Variants in PDE4D observed in about 807,000 individuals in gnomAD.
PDE4D encodes the protein phosphodiesterase 4D.
PDE4D carries 24 observed loss-of-function variants against 87.4 expected under a neutral mutation model. That is an observed-to-expected ratio of 0.27 (90% CI 0.20 to 0.39). The LOEUF (loss-of-function observed/expected upper bound fraction) is 0.39. Ranked by LOEUF, PDE4D falls within the 10% of genes least tolerant of loss-of-function variation. The pLI, the probability that PDE4D is intolerant of heterozygous loss-of-function variation, is 1.00. For missense variants in PDE4D, 714 were observed against 1,041.0 expected, an observed-to-expected ratio of 0.69 and a Z score of 4.32; for synonymous variants, 384 against 383.2, an observed-to-expected ratio of 1.00 and a Z score of -0.02.
chr5:59,670,104 A>C (rs1049401047), intron 1 of PDE4D, among the ~76,000 whole-genome samples: 2 of 152,188 alleles, frequency 1.3e-5, no homozygotes, highest in Non-Finnish European at 2.9e-5. Flanking sequence ...GTAACATAGC[A>C]TTATGGTAGA....
At chr5:59,173,666 C>T (rs716908) in intron 5 of PDE4D, among the ~76,000 whole-genome samples, 113,232 of 152,144 alleles carry the variant, frequency 0.74, 42,585 homozygotes, top group African/African-American at 0.83. Context: ...ACACATATTT[C>T]TGGCAATTAT....
At chr5:59,065,712 T>C (rs1021882048) in intron 5 of PDE4D, among the ~76,000 whole-genome samples, 1 of 152,160 alleles carries the variant, frequency 6.6e-6, no homozygotes, top group African/African-American at 2.4e-5. Context: ...AGGAGTACAA[T>C]GAAAACTTAG....
intron 1 of PDE4D, among the ~76,000 whole-genome samples, chr5:59,521,570 AT>A (rs1212289344): frequency 1.3e-5 from 2 of 152,160 alleles, no homozygotes; most frequent in Non-Finnish European, 2.9e-5. Flanking sequence ...CTCCCAGCCA[AT>A]TACTGGCCTC....
At chr5:59,849,452 G>T (rs150217830) in intron 1 of PDE4D, among the ~76,000 whole-genome samples, 22 of 152,068 alleles carry the variant, frequency 1.4e-4, no homozygotes, top group African/African-American at 5.3e-4. Context: ...GTAGAAATGT[G>T]CTCTGTGTTC....
chr5:60,054,048 A>T (rs765877211), intron 2 of PDE4D, among the ~76,000 whole-genome samples: 51 of 152,178 alleles, frequency 3.4e-4, no homozygotes, highest in Non-Finnish European at 6.3e-4. Flanking sequence ...GATGCTGGAG[A>T]GGACGTGGAG....
chr5:60,265,667 G>GA (rs1223866974), intron 1 of PDE4D, among the ~76,000 whole-genome samples: 5 of 152,000 alleles, frequency 3.3e-5, no homozygotes, highest in Admixed American at 6.5e-5. Flanking sequence ...CCCTAGACTA[G>GA]AAAAAACCCT....
chr5:60,498,312 A>G (rs116157742), intron 1 of PDE4D, among the ~76,000 whole-genome samples: 342 of 152,248 alleles, frequency 2.2e-3, no homozygotes, highest in Non-Finnish European at 4.0e-3. Flanking sequence ...CTTGTCTAAA[A>G]TCAACCAGCA....
chr5:59,336,341 C>G (rs1030796681), intron 1 of PDE4D, among the ~76,000 whole-genome samples: 3 of 152,224 alleles, frequency 2.0e-5, no homozygotes, highest in South Asian at 4.1e-4. Flanking sequence ...TTTCCTGTCC[C>G]CATCCATCAG....
intron 1 of PDE4D, among the ~76,000 whole-genome samples, chr5:59,544,716 A>T (rs564819708): frequency 6.6e-6 from 1 of 152,306 alleles, no homozygotes; most frequent in East Asian, 1.9e-4. Flanking sequence ...GAAGGGGAGA[A>T]GCGAGCTGTT....
chr5:59,162,585 T>C (rs1781264392), intron 5 of PDE4D, among the ~76,000 whole-genome samples: 1 of 151,082 alleles, frequency 6.6e-6, no homozygotes, highest in Admixed American at 6.6e-5. Context: ...ACACCTGTAA[T>C]CCCAGCACTT....
chr5:60,105,505 C>T (rs1241602856), intron 2 of PDE4D, among the ~76,000 whole-genome samples: 1 of 152,062 alleles, frequency 6.6e-6, no homozygotes, highest in African/African-American at 2.4e-5. Context: ...ACAGGAAACA[C>T]AGAGAACGCC....
chr5:59,096,132 G>C lies in PDE4D; in HGVS notation c.809-57161C>G, dbSNP rs191994464. On this transcript the variant is annotated intron_variant, in intron 5 of 14. Transcript: ENST00000340635. ...CTACAGAGGAAATAGCTGAAAAGGA[G>C]GAGCTGGGGAAGATGAGGATGAGGA... is the stretch of plus-strand genomic sequence containing the variant. Among the ~76,000 whole-genome samples, 43 of 152,284 alleles carry C rather than the reference G, an allele frequency of 2.8e-4. 1 individual carries two copies. In the East Asian group the frequency reaches 6.9e-3, roughly 25 times the overall value.
At chr5:60,163,693 C>G (rs1366474884) in intron 2 of PDE4D, among the ~76,000 whole-genome samples, 1 of 152,162 alleles carries the variant, frequency 6.6e-6, no homozygotes, top group African/African-American at 2.4e-5. Context: ...GTGCCCTTAA[C>G]TAGCACTGCC....
intron 1 of PDE4D, among the ~76,000 whole-genome samples, chr5:60,299,164 T>G (rs894354695): frequency 6.6e-6 from 1 of 152,218 alleles, no homozygotes; most frequent in Admixed American, 6.5e-5. Flanking sequence ...CAAAATAGCT[T>G]CTGGCTAAAA....
intron 5 of PDE4D, among the ~76,000 whole-genome samples, chr5:59,099,083 A>G (rs1770282537): frequency 6.6e-6 from 1 of 152,240 alleles, no homozygotes; most frequent in South Asian, 2.1e-4. Context: ...CATCTTTATT[A>G]TATTGGTTAC....
intron 2 of PDE4D, among the ~76,000 whole-genome samples, chr5:60,163,849 A>G (rs1300876668): frequency 6.6e-6 from 1 of 152,194 alleles, no homozygotes; most frequent in African/African-American, 2.4e-5. Context: ...AATACAAATG[A>G]AAAGAAGAAG....
At chr5:59,095,321 C>A in intron 5 of PDE4D, among the ~76,000 whole-genome samples, 1 of 149,460 alleles carries the variant, frequency 6.7e-6, no homozygotes, top group African/African-American at 2.5e-5. Flanking sequence ...CTTATTCTTA[C>A]CTAAAGGGAA....
chr5:59,822,324 A>G (rs929726407), intron 1 of PDE4D, among the ~76,000 whole-genome samples: 1 of 152,192 alleles, frequency 6.6e-6, no homozygotes, highest in Admixed American at 6.5e-5. Flanking sequence ...GGATGAGTAG[A>G]ACTATTGTAA....
At chr5:59,334,300 C>T (rs1384657045) in intron 1 of PDE4D, among the ~76,000 whole-genome samples, 2 of 142,010 alleles carry the variant, frequency 1.4e-5, no homozygotes, top group Non-Finnish European at 1.5e-5. Flanking sequence ...GCTCTGTCAC[C>T]CAGGCTGGAG....
Sources: allele counts gnomAD v4.1 joint callset (sites outside exome capture counted in the v4.1 genomes callset), GRCh38; gene constraint gnomAD v4.1.1; transcripts MANE v1.5; gene names NCBI Gene and HGNC (gene_info 2026-07-23, HGNC 2026-07-21).